METAP2: variants seen among roughly 807,000 people sequenced by gnomAD.
The protein encoded by METAP2 is methionyl aminopeptidase 2.
METAP2 carries 25 observed loss-of-function variants against 59.4 expected under a neutral mutation model. That is an observed-to-expected ratio of 0.42 (90% CI 0.31 to 0.59). The LOEUF is 0.59. Ranked by LOEUF, METAP2 falls within the 20% of genes least tolerant of loss-of-function variation. METAP2 has a pLI of 0.16. For synonymous variants in METAP2, 214 were observed against 194.1 expected (o/e 1.10, Z -0.85); for missense variants, 366 against 581.2 (o/e 0.63, Z 3.81).
intron 4 of METAP2, among the ~76,000 whole-genome samples, chr12:95,493,328 A>T (rs1177920668): frequency 6.6e-6 from 1 of 152,184 alleles, no homozygotes; most frequent in Non-Finnish European, 1.5e-5. Context: ...AAAAGTTTTT[A>T]AAAATTAGCT....
chr12:95,479,838 G>T (rs1358959023), intron 2 of METAP2, among the ~76,000 whole-genome samples: 3 of 152,118 alleles, frequency 2.0e-5, no homozygotes, highest in Non-Finnish European at 4.4e-5. Flanking sequence ...CGAACTCCTG[G>T]CCTCAAGTGA....
At chr12:95,496,264 A>G (rs2076274788) in intron 7 of METAP2, among the ~76,000 whole-genome samples, 166 bp downstream of exon 7, 2 of 151,980 alleles carry the variant, frequency 1.3e-5, no homozygotes, top group South Asian at 4.1e-4. Flanking sequence ...GGGTAAGTGT[A>G]TGATTGTGTA....
chr12:95,482,208 C>G (rs1426987817), intron 2 of METAP2: 2 of 450,960 alleles, frequency 4.4e-6, no homozygotes, highest in South Asian at 3.2e-5. Context: ...TTCCCTGGCT[C>G]AGGTGATCCT....
rs1594416396 is a variant in METAP2, at chr12:95,486,085, T to A, written c.428+104T>A. On this transcript the variant is annotated intron_variant, in intron 4 of 10. Coordinates refer to ENST00000323666, the MANE Select transcript of METAP2 (RefSeq NM_006838.4). ...AACTTTGCTCCACTACTTTAATAAATGCTTATAAATTTGTCATAAAGAAGA... is the reference window on the plus strand; with the variant it reads ...AACTTTGCTCCACTACTTTAATAAAAGCTTATAAATTTGTCATAAAGAAGA... 5.1e-6 allele frequency: 4 copies of A among 782,222 alleles called. No individual in the cohort carries two copies. The East Asian group carries it at 1.2e-4, about 23-fold the overall frequency. The allele number at this position is 782,222 out of a possible 1,614,324, so 48.5% of individuals were successfully genotyped here.
intron 4 of METAP2, among the ~76,000 whole-genome samples, chr12:95,489,221 A>G (rs1415183062): frequency 1.3e-5 from 2 of 152,168 alleles, no homozygotes; most frequent in Non-Finnish European, 2.9e-5. Context: ...TGTGAATGTT[A>G]TGGAACACTT....
chr12:95,482,704 A>G (rs780460619), intron 2 of METAP2, among the ~76,000 whole-genome samples: 62 of 152,054 alleles, frequency 4.1e-4, no homozygotes, highest in Non-Finnish European at 7.1e-4. Flanking sequence ...AGACATGAGA[A>G]TCACTCAAAC....
Position 95,495,056 on chromosome 12 carries a change from C to T in METAP2, c.690C>T (p.Ala230=). ...PTGCSLNNCA[A]HYTPNAGDTT... is the part of the protein sequence containing the mutation. ...GATGTTCTCTCAATAATTGTGCTGC[C>T]CATTATACTCCCAATGCCGGTGACA... Residue 230 remains alanine (A), a synonymous_variant, in exon 6 of 11, where the codon GCC becomes GCT. Coordinates refer to ENST00000323666, the MANE Select transcript of METAP2 (RefSeq NM_006838.4). 1 of 1,613,424 alleles carries T rather than the reference C, an allele frequency of 6.2e-7. No homozygotes were observed. Among genetic ancestry groups the T allele is most frequent in the African/African-American group, 1.3e-5 (1 of 75,006 alleles).
chr12:95,497,269 C>A (rs1000624003), intron 7 of METAP2, among the ~76,000 whole-genome samples: 5 of 152,186 alleles, frequency 3.3e-5, no homozygotes, highest in South Asian at 2.1e-4. Context: ...CTCTTCTCCC[C>A]CTACCCTGGC....
chr12:95,487,453 T>G (rs1443389013), intron 4 of METAP2, among the ~76,000 whole-genome samples: 1 of 152,208 alleles, frequency 6.6e-6, no homozygotes, highest in Non-Finnish European at 1.5e-5. Flanking sequence ...GCTTCTTTTC[T>G]TTGAATTTGA....
Position 95,481,402 on chromosome 12 carries a change from C to A in METAP2, c.260-1813C>A, listed in dbSNP as rs777426022. ...CTCCAGCTTGGGCAACAGAGTGAGA[C>A]CCTGTCACAGAAAAACCAAAAAAAC... On this transcript the variant is annotated intron_variant, in intron 2 of 10. Transcript: ENST00000323666. Among the ~76,000 whole-genome samples the A allele has an allele frequency of 1.4e-4, 21 of 152,082 alleles. 1 individual carries two copies. The highest frequency in any genetic ancestry group is 2.6e-4 in the Admixed American group (4 of 15,264).
chr12:95,501,819 C>CA (rs1555192442), intron 7 of METAP2, among the ~76,000 whole-genome samples: 1 of 144,598 alleles, frequency 6.9e-6, no homozygotes, highest in East Asian at 2.0e-4. Context: ...TACAATTGGC[C>CA]TTTTTTTTTT....
chr12:95,489,563 G>A (rs2076222247), intron 4 of METAP2, among the ~76,000 whole-genome samples: 1 of 152,172 alleles, frequency 6.6e-6, no homozygotes, highest in South Asian at 2.1e-4. Flanking sequence ...ATTTGGTATA[G>A]TTTGTATCTT....
intron 7 of METAP2, among the ~76,000 whole-genome samples, chr12:95,501,000 T>A (rs971751092): frequency 2.0e-5 from 3 of 147,920 alleles, no homozygotes; most frequent in Non-Finnish European, 3.0e-5. Flanking sequence ...AGTTTTCCTT[T>A]GTTGGGATTT....
intron 4 of METAP2, among the ~76,000 whole-genome samples, chr12:95,492,433 G>T (rs1226817659): frequency 6.6e-6 from 1 of 152,114 alleles, no homozygotes; most frequent in Admixed American, 6.5e-5. Context: ...TTTTGGGGGA[G>T]TCTGGAATTA....
chr12:95,486,270 T>C (rs2076195759), intron 4 of METAP2, among the ~76,000 whole-genome samples: 1 of 141,910 alleles, frequency 7.0e-6, no homozygotes, highest in South Asian at 2.3e-4. Flanking sequence ...TTGGGTATGG[T>C]TTAGTACTTT....
intron 1 of METAP2, among the ~76,000 whole-genome samples, chr12:95,474,646 G>T (rs167286): frequency 8.7e-4 from 133 of 152,326 alleles, no homozygotes; most frequent in Non-Finnish European, 1.4e-3. Flanking sequence ...TTGAGATTGT[G>T]CGCAGAGCAC....
intron 10 of METAP2, 133 bp from the exon 11 acceptor site, chr12:95,513,519 T>G (rs1370882634): frequency 2.0e-6 from 2 of 984,946 alleles, no homozygotes; most frequent in Non-Finnish European, 3.0e-6. Context: ...GGCTTTTGAT[T>G]GTTGAAAGAG....
intron 4 of METAP2, among the ~76,000 whole-genome samples, chr12:95,492,197 C>T (rs961063889): frequency 1.3e-5 from 2 of 151,746 alleles, no homozygotes; most frequent in African/African-American, 4.8e-5. Flanking sequence ...GACAGGGTCC[C>T]ACTGTGTCAC....
intron 4 of METAP2, among the ~76,000 whole-genome samples, chr12:95,487,260 C>T (rs966407706): frequency 3.9e-5 from 6 of 151,974 alleles, no homozygotes. Context: ...TGGTTGCAGT[C>T]GTTGGTTAAG....
Sources: gnomAD v4.1 joint callset for allele counts (sites outside exome capture counted in the v4.1 genomes callset) on GRCh38, gnomAD v4.1.1 for gene constraint, MANE v1.5 for transcripts, NCBI Gene and HGNC (gene_info 2026-07-23, HGNC 2026-07-21) for gene names.